Variants in MBIP observed in about 807,000 individuals in gnomAD.
The protein encoded by MBIP is MAP3K12 binding inhibitory protein 1.
In MBIP, 32 loss-of-function variants were observed where a neutral mutation model predicts 45.7. The observed-to-expected ratio is 0.70, with a 90% CI of 0.53 to 0.94. The LOEUF is 0.94. MBIP is among the 40% of genes least tolerant of loss of function. The pLI is 0.00. For missense variants in MBIP, 381 were observed against 405.5 expected, an observed-to-expected ratio of 0.94 and a Z score of 0.52; for synonymous variants, 145 against 141.0, an observed-to-expected ratio of 1.03 and a Z score of -0.20.
At chr14:36,317,377 T>C (rs553916313) in intron 1 of MBIP, among the ~76,000 whole-genome samples, 5 of 152,290 alleles carry the variant, frequency 3.3e-5, no homozygotes, top group South Asian at 2.1e-4. Context: ...TATTCATACA[T>C]ATAAAGTGTA....
intron 6 of MBIP, 137 bp downstream of exon 6, chr14:36,311,436 T>G: frequency 1.4e-6 from 1 of 714,944 alleles, no homozygotes; most frequent in South Asian, 2.0e-5. Context: ...GACATACACA[T>G]AACACTTCCT....
rs1389609646 is a variant in MBIP at position 36,316,737 on chromosome 14, C to A, written c.205G>T (p.Ala69Ser). The change falls in exon 2 of 9, where the codon GCA becomes TCA. Residue 69 changes from alanine to serine, a missense_variant. Coordinates refer to ENST00000416007, the MANE Select transcript of MBIP (RefSeq NM_016586.3). Reference sequence around the variant, plus strand: ...TGTTCAAGTGCACTAAAGAGCAATGCAGGCTGGAATGCCGAGAGGCTCTGG... The same window carrying A: ...TGTTCAAGTGCACTAAAGAGCAATGAAGGCTGGAATGCCGAGAGGCTCTGG... Reference protein sequence around the residue: ...KLQSLSAFQPALLFSALEQHI... With the variant: ...KLQSLSAFQPSLLFSALEQHI... 3.7e-6 allele frequency: 6 copies of A among 1,612,838 alleles called. No homozygotes were observed. Among genetic ancestry groups the A allele is most frequent in the Non-Finnish European group, 5.1e-6 (6 of 1,179,212 alleles).
At chr14:36,301,093 C>G (rs906832508) in intron 7 of MBIP, 6 of 243,062 alleles carry the variant, frequency 2.5e-5, no homozygotes, top group African/African-American at 1.3e-4. Context: ...CAACTACCCG[C>G]TGCTAATGAG....
At chr14:36,303,054 A>G (rs1282978998) in intron 7 of MBIP, among the ~76,000 whole-genome samples, 2 of 152,242 alleles carry the variant, frequency 1.3e-5, no homozygotes, top group African/African-American at 2.4e-5. Context: ...GACTTTCCTC[A>G]ACTGTACATG....
intron 3 of MBIP, 40 bp downstream of exon 3, chr14:36,314,651 A>C: frequency 6.2e-7 from 1 of 1,604,994 alleles, no homozygotes; most frequent in Non-Finnish European, 8.5e-7. Context: ...AAGATTTTTT[A>C]AAATAATACC....
intron 4 of MBIP, among the ~76,000 whole-genome samples, chr14:36,312,311 C>A (rs1332106601): frequency 1.3e-5 from 2 of 152,006 alleles, no homozygotes; most frequent in Non-Finnish European, 2.9e-5. Context: ...ACCAATGTCA[C>A]TATTTGGGCC....
Position 36,320,550 on chromosome 14 carries a change from A to C in MBIP, c.39T>G (p.Gly13=), listed in dbSNP as rs769419570. 16 of 1,613,274 alleles carry C rather than the reference A, an allele frequency of 9.9e-6. No individual in the cohort carries two copies. Among genetic ancestry groups the C allele is most frequent in the South Asian group, 9.9e-5 (9 of 91,036 alleles). Residue 13 remains glycine, a synonymous_variant, in exon 1 of 9, where the codon GGT becomes GGG. Coordinates refer to ENST00000416007, the MANE Select transcript of MBIP (RefSeq NM_016586.3). ...TGCATCTTCGCTCCAGGTTCCTGTC[A>C]CCGCTGCTCGGGCGATTAAGCTCCG... ...AATELNRPSS[G]DRNLERRCRP...
At chr14:36,301,472 A>G (rs187848333) in intron 7 of MBIP, among the ~76,000 whole-genome samples, 4 of 152,316 alleles carry the variant, frequency 2.6e-5, no homozygotes, top group Admixed American at 2.6e-4. Flanking sequence ...TTTGAGAGAA[A>G]GCCCTTAAAG....
intron 2 of MBIP, among the ~76,000 whole-genome samples, chr14:36,315,953 C>A (rs1429936749): frequency 6.6e-6 from 1 of 152,014 alleles, no homozygotes; most frequent in East Asian, 1.9e-4. Flanking sequence ...TTCCACTTAT[C>A]TTTTTGACAC....
In MBIP at chr14:36,298,914, C is replaced by T. The variant is rs1437087901; in HGVS notation, c.*169G>A. The T allele has an allele frequency of 2.1e-6, 1 of 466,596 alleles. No homozygotes were observed. Among genetic ancestry groups the T allele is most frequent in the African/African-American group, 2.0e-5 (1 of 50,000 alleles). 28.9% of individuals were successfully genotyped at this position (466,596 alleles called of 1,614,324 possible). ...TTTCAATGCATTCATTATTTCAAAA[C>T]TTACTGGAATATTTGAAGATTACTT... On this transcript the variant is annotated 3_prime_UTR_variant, in exon 9 of 9. Coordinates refer to ENST00000416007, the MANE Select transcript of MBIP (RefSeq NM_016586.3).
intron 4 of MBIP, 74 bp from the exon 5 acceptor site, chr14:36,312,098 C>T (rs749056260): frequency 2.6e-4 from 198 of 756,702 alleles, no homozygotes; most frequent in Admixed American, 3.9e-4. Flanking sequence ...AATAAACTTT[C>T]AATAATTCAT....
chr14:36,304,422 C>A (rs1289372297), intron 7 of MBIP, among the ~76,000 whole-genome samples: 1 of 152,176 alleles, frequency 6.6e-6, no homozygotes, highest in Non-Finnish European at 1.5e-5. Flanking sequence ...CATGTATAAA[C>A]ATATGAGTGA....
intron 1 of MBIP, 53 bp from the exon 2 acceptor site, chr14:36,316,865 A>G: frequency 6.5e-7 from 1 of 1,536,210 alleles, no homozygotes. Context: ...TAAGCTCTAC[A>G]TATGGAATTG....
intron 7 of MBIP, among the ~76,000 whole-genome samples, chr14:36,305,902 T>A (rs991798295): frequency 7.9e-5 from 12 of 152,214 alleles, no homozygotes; most frequent in African/African-American, 2.9e-4. Flanking sequence ...CTTGCATTAA[T>A]CTTTTCCATT....
intron 6 of MBIP, 35 bp downstream of exon 6, chr14:36,311,538 G>T: frequency 6.4e-7 from 1 of 1,556,168 alleles, no homozygotes; most frequent in Non-Finnish European, 8.7e-7. Context: ...ATTTGCAAAG[G>T]TTCATTATGA....
Position 36,316,781 on chromosome 14 carries a change from G to GT in MBIP, c.160dup (p.Thr54AsnfsTer20). On this transcript the variant is annotated frameshift_variant, in exon 2 of 9. Transcript: ENST00000416007. LOFTEE classifies it high-confidence loss of function. ...GCTCTGGAGCTTGTTCCAATCGATT[G>GT]TAATTTTCACCACATCATCTCTGAG... 6.2e-7 allele frequency: 1 copy of GT among 1,612,340 alleles called. No individual in the cohort carries two copies. The highest frequency in any genetic ancestry group is 2.2e-5 in the East Asian group (1 of 44,820).
intron 7 of MBIP, among the ~76,000 whole-genome samples, chr14:36,306,789 G>A (rs927365571): frequency 5.9e-5 from 9 of 152,260 alleles, no homozygotes; most frequent in African/African-American, 1.9e-4. Context: ...AAAAACTTAT[G>A]GTAGACTACT....
chr14:36,314,832 G>A lies in MBIP; in HGVS notation c.333C>T (p.Asn111=), dbSNP rs373272751. The A allele has an allele frequency of 6.8e-6, 11 of 1,612,996 alleles. No homozygotes were observed. The highest frequency in any genetic ancestry group is 8.5e-6 in the Non-Finnish European group (10 of 1,179,572). Residue 111 remains asparagine, a synonymous_variant, in exon 3 of 9, where the codon AAC becomes AAT. Coordinates refer to ENST00000416007, the MANE Select transcript of MBIP (RefSeq NM_016586.3). The part of the protein sequence containing the change: ...VEEIGRTEMG[N]KNEVNDKFSI... ...AAAATTTGTCATTTACTTCATTTTTGTTCCCCATTTCTGTTCTTCCTATCT... is the reference window on the plus strand; with the variant it reads ...AAAATTTGTCATTTACTTCATTTTTATTCCCCATTTCTGTTCTTCCTATCT...
chr14:36,300,098 A>C (rs746716260), intron 8 of MBIP, among the ~76,000 whole-genome samples: 1 of 152,196 alleles, frequency 6.6e-6, no homozygotes, highest in Non-Finnish European at 1.5e-5. Flanking sequence ...GTTACAGTTT[A>C]CTACATAAGA....
Sources: allele counts gnomAD v4.1 joint callset (sites outside exome capture counted in the v4.1 genomes callset), GRCh38; gene constraint gnomAD v4.1.1; transcripts MANE v1.5; gene names NCBI Gene and HGNC (gene_info 2026-07-23, HGNC 2026-07-21).